Variants in PTP4A1 observed in about 807,000 individuals in gnomAD.
The protein encoded by PTP4A1 is protein tyrosine phosphatase 4A1.
A neutral mutation model predicts 20.5 loss-of-function variants in PTP4A1; 9 were observed. That is an observed-to-expected ratio of 0.44 (90% CI 0.26 to 0.77). PTP4A1 has a LOEUF of 0.77. PTP4A1 is among the 30% of genes least tolerant of loss of function. PTP4A1 has a pLI of 0.19. For missense variants in PTP4A1, 137 were observed against 218.8 expected (o/e 0.63, Z 2.36); for synonymous variants, 78 against 67.4 (o/e 1.16, Z -0.77).
At chr6:63,522,385 A>T (rs1221069086) in intron 1 of PTP4A1, among the ~76,000 whole-genome samples, 1 of 152,216 alleles carries the variant, frequency 6.6e-6, no homozygotes, top group Non-Finnish European at 1.5e-5. Context: ...ACAGAAGATA[A>T]ACAATAAATA....
chr6:63,532,771 A>G (rs1205279578), intron 2 of PTP4A1, among the ~76,000 whole-genome samples: 1 of 152,198 alleles, frequency 6.6e-6, no homozygotes, highest in African/African-American at 2.4e-5. Context: ...ATGTTCAATC[A>G]GTATCTAGGC....
intron 2 of PTP4A1, among the ~76,000 whole-genome samples, chr6:63,529,549 A>G (rs1775362447): frequency 6.6e-6 from 1 of 151,932 alleles, no homozygotes; most frequent in Non-Finnish European, 1.5e-5. Context: ...CTCGCTTTTA[A>G]TTCTCACCCC....
At chr6:63,568,154 C>G (rs1208777856), upstream of PTP4A1, among the ~76,000 whole-genome samples, 1 of 152,240 alleles carries the variant, frequency 6.6e-6, no homozygotes, top group Non-Finnish European at 1.5e-5. Context: ...GCACTTTTAA[C>G]TTCCTTCAAG....
chr6:63,580,898 CTG>C lies in PTP4A1; in HGVS notation c.*725_*726del, dbSNP rs992851539. Reference sequence around the variant, plus strand: ...CTTACATTAATTTAATGTTTGCACTCTGAGGTGCAACTTAACAGGGAGGGCCT... The same window carrying C: ...CTTACATTAATTTAATGTTTGCACTCAGGTGCAACTTAACAGGGAGGGCCT... On this transcript the variant is annotated 3_prime_UTR_variant, in exon 6 of 6. Transcript: ENST00000626021. 6.6e-6 allele frequency: 1 copy of C among 152,534 alleles called. No individual in the cohort carries two copies. The highest frequency in any genetic ancestry group is 2.4e-5 in the African/African-American group (1 of 41,434). The allele number at this position is 152,534 out of a possible 1,614,324, so 9.4% of individuals were successfully genotyped here. A position where few individuals can be genotyped will look rare whatever the true frequency, so the allele number is the denominator to read the frequency against.
intron 2 of PTP4A1, among the ~76,000 whole-genome samples, chr6:63,545,990 A>G (rs1776166206): frequency 6.6e-6 from 1 of 152,244 alleles, no homozygotes; most frequent in African/African-American, 2.4e-5. Context: ...TTAAAAATAG[A>G]ACTATTATAT....
chr6:63,537,754 C>T (rs1305596480), intron 2 of PTP4A1, among the ~76,000 whole-genome samples: 1 of 152,118 alleles, frequency 6.6e-6, no homozygotes, highest in East Asian at 1.9e-4. Context: ...AAATAGGGAC[C>T]CTACAGTTTA....
At chr6:63,540,348 C>G (rs1265735720) in intron 2 of PTP4A1, among the ~76,000 whole-genome samples, 4 of 152,108 alleles carry the variant, frequency 2.6e-5, no homozygotes. Flanking sequence ...AATCCAGGCA[C>G]AATGGGTCAC....
intron 2 of PTP4A1, among the ~76,000 whole-genome samples, chr6:63,534,281 A>G (rs1421989542): frequency 4.6e-5 from 7 of 152,194 alleles, no homozygotes; most frequent in Admixed American, 4.6e-4. Flanking sequence ...ACAGAAAGCA[A>G]TATGTTTTTC....
chr6:63,576,770 G>A lies in PTP4A1; in HGVS notation c.-111G>A. The stretch of plus-strand genomic sequence containing the variant: ...TACAACTTCATACTCAAAGCACTGA[G>A]AATTTCAAGTGGAGTATATTGAAGT... On this transcript the variant is annotated 5_prime_UTR_variant, in exon 2 of 6. Coordinates refer to ENST00000626021, the MANE Select transcript of PTP4A1 (RefSeq NM_003463.5). 1.2e-6 allele frequency: 1 copy of A among 809,662 alleles called. No homozygotes were observed. Among genetic ancestry groups the A allele is most frequent in the Non-Finnish European group, 2.0e-6 (1 of 508,036 alleles). 50.2% of individuals were successfully genotyped at this position (809,662 alleles called of 1,614,324 possible). A position where few individuals can be genotyped will look rare whatever the true frequency, so the allele number is the denominator to read the frequency against.
upstream of PTP4A1, among the ~76,000 whole-genome samples, chr6:63,519,960 A>G (rs554138800): frequency 6.6e-6 from 1 of 152,328 alleles, no homozygotes; most frequent in East Asian, 1.9e-4. Context: ...GTAGATAATA[A>G]TTTTTACCCT....
upstream of PTP4A1, among the ~76,000 whole-genome samples, chr6:63,569,641 C>T (rs930854061): frequency 6.6e-6 from 1 of 152,192 alleles, no homozygotes; most frequent in African/African-American, 2.4e-5. Context: ...CAATAGAAAG[C>T]CCTGCCTATC....
At chr6:63,574,970 A>G (rs1292289581) in intron 1 of PTP4A1, among the ~76,000 whole-genome samples, 1 of 152,240 alleles carries the variant, frequency 6.6e-6, no homozygotes, top group Admixed American at 6.5e-5. Flanking sequence ...TGTGATAATG[A>G]AAGTTACCTT....
At position 63,552,846 on chromosome 6, in the gene PTP4A1, G is replaced by C. The variant is rs191005102; in HGVS notation, c.-446+2353G>C. Reference sequence around the variant, plus strand: ...GTTTGTCAAAGATCAGATGATTGTAGATGTGTGGTATTATTTCTGAGGGCT... The same window carrying C: ...GTTTGTCAAAGATCAGATGATTGTACATGTGTGGTATTATTTCTGAGGGCT... On this transcript the variant is annotated intron_variant, in intron 3 of 3. Transcript: ENST00000639568. 5.1e-3 allele frequency among the ~76,000 whole-genome samples: 771 copies of C among 152,268 alleles called. 3 individuals carry two copies. Among genetic ancestry groups the C allele is most frequent in the African/African-American group, 8.0e-3 (334 of 41,550 alleles).
intron 3 of PTP4A1, among the ~76,000 whole-genome samples, chr6:63,552,116 A>G (rs1302940356): frequency 3.3e-5 from 5 of 152,196 alleles, no homozygotes; most frequent in African/African-American, 4.8e-5. Flanking sequence ...AGGAATCGCC[A>G]CACTGACTTC....
At chr6:63,579,236 T>C in intron 4 of PTP4A1, 21 bp from the exon 5 acceptor site, 1 of 1,579,104 alleles carries the variant, frequency 6.3e-7, no homozygotes, top group Non-Finnish European at 8.6e-7. Flanking sequence ...AAACTATTTA[T>C]CAAAATTCTT....
chr6:63,563,931 G>A, intron 3 of PTP4A1, among the ~76,000 whole-genome samples: 1 of 152,200 alleles, frequency 6.6e-6, no homozygotes, highest in East Asian at 1.9e-4. Context: ...ATAAATAGTG[G>A]TTGAGTATTT....
At chr6:63,527,048 C>T (rs1222167236) in intron 1 of PTP4A1, among the ~76,000 whole-genome samples, 1 of 151,774 alleles carries the variant, frequency 6.6e-6, no homozygotes, top group African/African-American at 2.4e-5. Context: ...GTATTTCTAC[C>T]TTCATGTCTT....
At chr6:63,520,224 T>C (rs1774870970), upstream of PTP4A1, among the ~76,000 whole-genome samples, 1 of 152,250 alleles carries the variant, frequency 6.6e-6, no homozygotes, top group African/African-American at 2.4e-5. Context: ...ATTTTCCCAT[T>C]AGACATTTAT....
chr6:63,572,295 G>C, upstream of PTP4A1: 2 of 198,266 alleles, frequency 1.0e-5, no homozygotes, highest in Non-Finnish European at 2.0e-5. Context: ...GGGATGCTCC[G>C]ACTCGGCGCT....
Sources: gnomAD v4.1 joint callset for allele counts (sites outside exome capture counted in the v4.1 genomes callset) on GRCh38, gnomAD v4.1.1 for gene constraint, MANE v1.5 for transcripts, NCBI Gene and HGNC (gene_info 2026-07-23, HGNC 2026-07-21) for gene names.